Variants in BAZ1B observed in about 807,000 individuals in gnomAD.
BAZ1B encodes bromodomain adjacent to zinc finger domain 1B, also known as tyrosine-protein kinase BAZ1B.
In BAZ1B, 22 loss-of-function variants were observed where a neutral mutation model predicts 153.8. The ratio of observed to expected loss-of-function variants is 0.14; its 90% CI spans 0.10 to 0.20. The LOEUF is 0.20. Among genes scored for constraint, BAZ1B ranks in the 10% least tolerant of loss-of-function variants. The pLI is 1.00. For synonymous variants in BAZ1B, 676 were observed against 633.4 expected, an observed-to-expected ratio of 1.07 and a Z score of -1.01; for missense variants, 1,325 against 1,799.3, an observed-to-expected ratio of 0.74 and a Z score of 4.77.
chr7:73,445,095 C>A (rs1272203798), intron 16 of BAZ1B, among the ~76,000 whole-genome samples: 1 of 152,070 alleles, frequency 6.6e-6, no homozygotes, highest in Non-Finnish European at 1.5e-5. Context: ...CAGGTGCTCA[C>A]CATCAAGCCA....
intron 1 of BAZ1B, among the ~76,000 whole-genome samples, chr7:73,514,627 T>G (rs782069342): frequency 6.6e-6 from 1 of 150,832 alleles, no homozygotes; most frequent in Non-Finnish European, 1.5e-5. Context: ...CTGGGCAACA[T>G]AGCAAAACCC....
At chr7:73,468,464 T>C (rs1583904875) in intron 9 of BAZ1B, among the ~76,000 whole-genome samples, 1 of 152,178 alleles carries the variant, frequency 6.6e-6, no homozygotes, top group Non-Finnish European at 1.5e-5. Flanking sequence ...AACACTGAGG[T>C]TGAGAAAACC....
chr7:73,509,303 C>CAG (rs1563401802), intron 2 of BAZ1B, among the ~76,000 whole-genome samples: 1 of 152,106 alleles, frequency 6.6e-6, no homozygotes, highest in Non-Finnish European at 1.5e-5. Context: ...GCCTGGGCAA[C>CAG]AGAGAGAGAC....
chr7:73,492,735 A>G, intron 5 of BAZ1B, 65 bp downstream of exon 5: 1 of 1,459,208 alleles, frequency 6.9e-7, no homozygotes, highest in Non-Finnish European at 9.2e-7. Context: ...TCTCCAACAA[A>G]AGCAACCCTA....
intron 4 of BAZ1B, 130 bp from the exon 5 acceptor site, chr7:73,493,051 A>C: frequency 2.1e-6 from 2 of 968,430 alleles, no homozygotes; most frequent in East Asian, 2.7e-5. Context: ...AATGAATCAT[A>C]ATGTCCTTAA....
chr7:73,483,636 CT>C (rs201005746), intron 6 of BAZ1B, among the ~76,000 whole-genome samples: 11 of 150,362 alleles, frequency 7.3e-5, no homozygotes, highest in Admixed American at 4.0e-4. Flanking sequence ...AACTCACAAA[CT>C]TTTTTTTTTC....
rs545912070 is a variant in BAZ1B, at chr7:73,476,127, G to A, written c.2593+741C>T. ...AGAATAGCAAATCTATAGAGACAAAGTAGACTAGTGGTTGCTCAGGGCTGG... is the reference window on the plus strand; with the variant it reads ...AGAATAGCAAATCTATAGAGACAAAATAGACTAGTGGTTGCTCAGGGCTGG... On this transcript the variant is annotated intron_variant, in intron 7 of 19. Transcript: ENST00000339594. Among the ~76,000 whole-genome samples the A allele has an allele frequency of 1.9e-3, 283 of 152,174 alleles. 2 individuals carry two copies. The highest frequency in any genetic ancestry group is 4.6e-3 in the South Asian group (22 of 4,818).
Position 73,470,420 on chromosome 7 carries a change from G to A in BAZ1B, c.2657C>T (p.Ala886Val). Reference protein sequence around the residue: ...IRKHKAAAEKAFQEGIAKAKL... With the variant: ...IRKHKAAAEKVFQEGIAKAKL... ...GGCCTTGGCAATCCCTTCCTGGAAA[G>A]CTTTCTCAGCAGCTGCTTTGTGCTT... Residue 886 changes from alanine (A) to valine (V), a missense_variant, in exon 8 of 20, where the codon GCT (alanine) becomes GTT (valine). This residue lies in a region of BAZ1B where 431 missense variants were observed against 563.5 expected (regional missense o/e 0.76). Transcript: ENST00000339594. The A allele has an allele frequency of 6.2e-7, 1 of 1,614,098 alleles. No homozygotes were observed. Among genetic ancestry groups the A allele is most frequent in the East Asian group, 2.2e-5 (1 of 44,858 alleles).
rs186714021 is a variant in BAZ1B at position 73,441,281 on chromosome 7, T to C, written c.*428A>G. The C allele has an allele frequency of 6.5e-6, 1 of 152,764 alleles. No homozygotes were observed. The highest frequency in any genetic ancestry group is 6.5e-5 in the Admixed American group (1 of 15,298). The allele number at this position is 152,764 out of a possible 1,614,324, so 9.5% of individuals were successfully genotyped here. ...GGAGTATCTTACAAGATGTTCTTTA[T>C]ACAATATCACTGCTGAAACAAGCAA... is the stretch of plus-strand genomic sequence containing the variant. On this transcript the variant is annotated 3_prime_UTR_variant, in exon 20 of 20. Coordinates refer to ENST00000339594, the MANE Select transcript of BAZ1B (RefSeq NM_032408.4).
rs560309266 is a variant in BAZ1B, at chr7:73,516,647, C to T, written c.107+5180G>A. Among the ~76,000 whole-genome samples, 87 of 151,120 alleles carry T rather than the reference C, an allele frequency of 5.8e-4. No homozygotes were observed. In the Middle Eastern group the frequency reaches 0.014, roughly 24 times the overall value. On this transcript the variant is annotated intron_variant, in intron 1 of 19. Transcript: ENST00000339594. ...AAAAATAGCCAGGCATGGTGGCAGG[C>T]GCCTGTAATCCCAGCTACTTGGGAG...
chr7:73,448,612 C>T (rs903054283), intron 15 of BAZ1B, among the ~76,000 whole-genome samples: 12 of 152,198 alleles, frequency 7.9e-5, no homozygotes, highest in African/African-American at 2.9e-4. Context: ...GATGCAAGCA[C>T]TTTTCAAAAG....
At chr7:73,514,901 G>A (rs977487367) in intron 1 of BAZ1B, among the ~76,000 whole-genome samples, 5 of 151,946 alleles carry the variant, frequency 3.3e-5, no homozygotes, top group African/African-American at 9.7e-5. Context: ...CCAAGATGGT[G>A]AAACCCTGTC....
intron 3 of BAZ1B, among the ~76,000 whole-genome samples, chr7:73,501,916 A>C (rs1417990871): frequency 7.3e-6 from 1 of 136,242 alleles, no homozygotes; most frequent in Non-Finnish European, 1.5e-5. Context: ...TTTGAGACGG[A>C]ATCTCACTCT....
intron 1 of BAZ1B, 128 bp from the exon 2 acceptor site, chr7:73,510,980 T>C (rs1790553407): frequency 2.6e-6 from 2 of 783,336 alleles, no homozygotes; most frequent in Non-Finnish European, 4.1e-6. Context: ...AGGATAAAAA[T>C]GGAATTGGAG....
At chr7:73,515,778 G>A (rs1289897369) in intron 1 of BAZ1B, among the ~76,000 whole-genome samples, 1 of 152,092 alleles carries the variant, frequency 6.6e-6, no homozygotes, top group Non-Finnish European at 1.5e-5. Context: ...CTGGGCTCAA[G>A]CAATTCACCT....
chr7:73,497,699 T>TA (rs1315561316), intron 4 of BAZ1B, among the ~76,000 whole-genome samples: 4 of 148,204 alleles, frequency 2.7e-5, no homozygotes, highest in Admixed American at 2.0e-4. Flanking sequence ...TTAAGTGCCA[T>TA]AAAAAAAAGA....
intron 1 of BAZ1B, among the ~76,000 whole-genome samples, chr7:73,519,404 T>C (rs1309936151): frequency 2.6e-5 from 4 of 152,182 alleles, no homozygotes; most frequent in African/African-American, 9.7e-5. Flanking sequence ...CTGCCAACCA[T>C]ACAGTACAAT....
chr7:73,467,895 G>A (rs1788656504), intron 9 of BAZ1B, among the ~76,000 whole-genome samples: 1 of 152,130 alleles, frequency 6.6e-6, no homozygotes, highest in African/African-American at 2.4e-5. Context: ...GAGTATTTAT[G>A]AAGTCTAACG....
intron 13 of BAZ1B, among the ~76,000 whole-genome samples, chr7:73,454,974 G>C (rs1788140912): frequency 6.6e-6 from 1 of 151,872 alleles, no homozygotes; most frequent in Non-Finnish European, 1.5e-5. Flanking sequence ...TCATGCCTCA[G>C]CCTCCTGAGT....
Sources: allele counts gnomAD v4.1 joint callset (sites outside exome capture counted in the v4.1 genomes callset), GRCh38; gene constraint gnomAD v4.1.1; regional missense constraint gnomAD v4.1.1; transcripts MANE v1.5; gene names NCBI Gene and HGNC (gene_info 2026-07-23, HGNC 2026-07-21).